Variants in EMC10 observed in about 807,000 individuals in gnomAD.
EMC10 encodes the protein UPF0510 protein INM02.
EMC10 carries 40 observed loss-of-function variants against 32.2 expected under a neutral mutation model. The ratio of observed to expected loss-of-function variants is 1.24; its 90% confidence interval spans 0.96 to 1.61. The LOEUF is 1.61. Ranked by LOEUF, EMC10 falls within the 40% of genes most tolerant of loss-of-function variation. The pLI is 0.00. For missense variants in EMC10, 402 were observed against 357.7 expected (o/e 1.12, Z -1.00); for synonymous variants, 178 against 158.4 (o/e 1.12, Z -0.93).
rs1190430901 is a variant in EMC10 at position 50,483,960 on chromosome 19, T to C, written c.*1701T>C. The stretch of plus-strand genomic sequence containing the variant: ...ATAGCTTATGCTTTTTCTGTCTTCA[T>C]TCCATGTGAATCCTGCTTCATTCTT... On this transcript the variant is annotated 3_prime_UTR_variant, in exon 7 of 7. Transcript: ENST00000334976. 6.6e-6 allele frequency: 1 copy of C among 151,336 alleles called. No individual in the cohort carries two copies. The highest frequency in any genetic ancestry group is 2.4e-5 in the African/African-American group (1 of 41,182). 9.4% of individuals were successfully genotyped at this position (151,336 alleles called of 1,614,324 possible). A position where few individuals can be genotyped will look rare whatever the true frequency, so the allele number is the denominator to read the frequency against.
chr19:50,480,970 C>T lies in EMC10; in HGVS notation c.671C>T (p.Ala224Val). 2.5e-6 allele frequency: 4 copies of T among 1,611,550 alleles called. No homozygotes were observed. The highest frequency in any genetic ancestry group is 3.4e-6 in the Non-Finnish European group (4 of 1,178,290). Residue 224 changes from alanine (A) to valine (V), a missense_variant, in exon 6 of 7, where the codon GCC (alanine) becomes GTC (valine). Ala to Val is a moderately conservative substitution (Grantham distance 64). Transcript: ENST00000334976. The surrounding 1 kb of genome is among the most constrained non-coding windows in gnomAD (Gnocchi z 4.4). The stretch of plus-strand genomic sequence containing the variant: ...CCCCAGGAGCAGAAGTCCTTCTTCG[C>T]CAAATACGTGAGTGGGGCTCCCCCG... ...KNPQEQKSFF[A>V]KYWMYIIPVV...
At position 50,488,277 on chromosome 19, in the gene EMC10, C is replaced by A. The variant is rs1290939531; in HGVS notation, c.*6018C>A. On this transcript the variant is annotated 3_prime_UTR_variant, in exon 7 of 7. Coordinates refer to ENST00000334976, the MANE Select transcript of EMC10 (RefSeq NM_206538.4). ...CGCCACTGCACTCCAGCCTGGGCGA[C>A]AGAGCGAGACTCCGTCTCAAAAAAA... 1 of 100,684 alleles carries A rather than the reference C, an allele frequency of 9.9e-6. No homozygotes were observed. The highest frequency in any genetic ancestry group is 3.9e-5 in the African/African-American group (1 of 25,320). The allele number at this position is 100,684 out of a possible 1,614,324, so 6.2% of individuals were successfully genotyped here.
In EMC10 at chr19:50,482,766, T is replaced by A. The variant is rs2040343505; in HGVS notation, c.*507T>A. On this transcript the variant is annotated 3_prime_UTR_variant, in exon 7 of 7. Transcript: ENST00000334976. ...CTTCTGTGTCCCCTTGAGGGTACCC[T>A]GGGTCCCCTCATCAGGGGCAGAGGC... 1 of 490,648 alleles carries A rather than the reference T, an allele frequency of 2.0e-6. No individual in the cohort carries two copies. Among genetic ancestry groups the A allele is most frequent in the African/African-American group, 2.0e-5 (1 of 50,392 alleles). 30.4% of individuals were successfully genotyped at this position (490,648 alleles called of 1,614,324 possible). A position where few individuals can be genotyped will look rare whatever the true frequency, so the allele number is the denominator to read the frequency against.
At position 50,485,341 on chromosome 19, in the gene EMC10, C is replaced by T. The variant is rs2040378367; in HGVS notation, c.*3082C>T. On this transcript the variant is annotated 3_prime_UTR_variant, in exon 7 of 7. Transcript: ENST00000334976. ...CAGCGATTCCCCAACTCATCTCCAGCTCAGATCCCACCCCTGATCTCCAGA... is the reference window on the plus strand; with the variant it reads ...CAGCGATTCCCCAACTCATCTCCAGTTCAGATCCCACCCCTGATCTCCAGA... 1 of 152,278 alleles carries T rather than the reference C, an allele frequency of 6.6e-6. No individual in the cohort carries two copies. Among genetic ancestry groups the T allele is most frequent in the Non-Finnish European group, 1.5e-5 (1 of 68,126 alleles). 9.4% of individuals were successfully genotyped at this position (152,278 alleles called of 1,614,324 possible).
Position 50,480,110 on chromosome 19 carries a change from G to A in EMC10, c.298-1G>A. On this transcript the variant is annotated splice_acceptor_variant, in intron 3 of 6. Coordinates refer to ENST00000334976, the MANE Select transcript of EMC10 (RefSeq NM_206538.4). LOFTEE classifies it high-confidence loss of function. This position sits in a 1 kb window ranked among gnomAD's most constrained non-coding sequence, Gnocchi z 4.4. ...CCAGCACCCTCTTCTCCCATCCCCA[G>A]GATGTGGCAGCCCTGAATGGCCTGT... 6.2e-7 allele frequency: 1 copy of A among 1,608,322 alleles called. No individual in the cohort carries two copies. Among genetic ancestry groups the A allele is most frequent in the Non-Finnish European group, 8.5e-7 (1 of 1,177,946 alleles).
rs1467189713 is a variant in EMC10, at chr19:50,483,923, C to G, written c.*1664C>G. On this transcript the variant is annotated 3_prime_UTR_variant, in exon 7 of 7. Transcript: ENST00000334976. ...CATTGCTAACTTCTGTTTCTTTCTC[C>G]ACCTGCAGGAGATAGCTTATGCTTT... The G allele has an allele frequency of 6.6e-6, 1 of 151,724 alleles. No individual in the cohort carries two copies. Among genetic ancestry groups the G allele is most frequent in the African/African-American group, 2.4e-5 (1 of 41,286 alleles). 9.4% of individuals were successfully genotyped at this position (151,724 alleles called of 1,614,324 possible). A position where few individuals can be genotyped will look rare whatever the true frequency, so the allele number is the denominator to read the frequency against.
In EMC10 at chr19:50,482,728, G is replaced by T. The variant is rs76698822; in HGVS notation, c.*469G>T. 8,619 of 486,512 alleles carry T rather than the reference G, an allele frequency of 0.018. 191 individuals are homozygous for T. The highest frequency in any genetic ancestry group is 0.092 in the East Asian group (2,809 of 30,606). The allele number at this position is 486,512 out of a possible 1,614,324, so 30.1% of individuals were successfully genotyped here. On this transcript the variant is annotated 3_prime_UTR_variant, in exon 7 of 7. Transcript: ENST00000334976. Reference sequence around the variant, plus strand: ...CCCCCCTCACTTTGACACTGGACTAGGATGCAGCCTCCCTTCTGTGTCCCC... The same window carrying T: ...CCCCCCTCACTTTGACACTGGACTATGATGCAGCCTCCCTTCTGTGTCCCC...
rs762213118 is a variant in EMC10 at position 50,485,100 on chromosome 19, C to G, written c.*2841C>G. ...CCATCTCTGGTGTAAGAGTGTGTTG[C>G]TGGATTTGAGTAGTTCTAAGCAGCA... On this transcript the variant is annotated 3_prime_UTR_variant, in exon 7 of 7. Transcript: ENST00000334976. The G allele has an allele frequency of 6.6e-6, 1 of 152,108 alleles. No homozygotes were observed. Among genetic ancestry groups the G allele is most frequent in the Non-Finnish European group, 1.5e-5 (1 of 68,012 alleles). 9.4% of individuals were successfully genotyped at this position (152,108 alleles called of 1,614,324 possible). A position where few individuals can be genotyped will look rare whatever the true frequency, so the allele number is the denominator to read the frequency against.
In EMC10 at chr19:50,483,130, T is replaced by C. The variant is rs1167161254; in HGVS notation, c.*871T>C. On this transcript the variant is annotated 3_prime_UTR_variant, in exon 7 of 7. Transcript: ENST00000334976. ...TCTATTTAAAAACATCGACGATACA[T>C]TGAAATGTGTGAACGTTTTGAAAAG... The C allele has an allele frequency of 6.4e-6, 3 of 468,074 alleles. No individual in the cohort carries two copies. The highest frequency in any genetic ancestry group is 5.9e-5 in the African/African-American group (3 of 50,512). 29.0% of individuals were successfully genotyped at this position (468,074 alleles called of 1,614,324 possible).
intron 6 of EMC10, 147 bp downstream of exon 6, chr19:50,481,124 T>C (rs1319280393): frequency 9.4e-6 from 6 of 634,982 alleles, no homozygotes; most frequent in Non-Finnish European, 1.7e-5. Flanking sequence ...GTACCTGGGC[T>C]GAGGCTTGTT....
At position 50,482,563 on chromosome 19, in the gene EMC10, T is replaced by C. The variant is rs1442962822; in HGVS notation, c.*304T>C. 1.9e-6 allele frequency: 1 copy of C among 536,748 alleles called. No homozygotes were observed. The highest frequency in any genetic ancestry group is 3.3e-6 in the Non-Finnish European group (1 of 305,650). 33.2% of individuals were successfully genotyped at this position (536,748 alleles called of 1,614,324 possible). On this transcript the variant is annotated 3_prime_UTR_variant, in exon 7 of 7. Coordinates refer to ENST00000334976, the MANE Select transcript of EMC10 (RefSeq NM_206538.4). The stretch of plus-strand genomic sequence containing the variant: ...GAGATCCTGGCCACTATGCCAGTTC[T>C]GACCTCGCATCCCCCTACCCCGAGC...
chr19:50,483,252 C>G lies in EMC10; in HGVS notation c.*993C>G. ...TTCACTGCTCACTTGATACGTTATT[C>G]AGAAACCCAAGGAATGGCTGTCCCC... is the stretch of plus-strand genomic sequence containing the variant. On this transcript the variant is annotated 3_prime_UTR_variant, in exon 7 of 7. Coordinates refer to ENST00000334976, the MANE Select transcript of EMC10 (RefSeq NM_206538.4). The G allele has an allele frequency of 5.1e-6, 2 of 394,898 alleles. No homozygotes were observed. The highest frequency in any genetic ancestry group is 3.7e-5 in the South Asian group (2 of 54,288). The allele number at this position is 394,898 out of a possible 1,614,324, so 24.5% of individuals were successfully genotyped here.
Position 50,488,635 on chromosome 19 carries a change from G to C in EMC10, c.*6376G>C, listed in dbSNP as rs1323908913. The C allele has an allele frequency of 6.6e-6, 1 of 151,694 alleles. No homozygotes were observed. Among genetic ancestry groups the C allele is most frequent in the Non-Finnish European group, 1.5e-5 (1 of 68,264 alleles). 9.4% of individuals were successfully genotyped at this position (151,694 alleles called of 1,614,324 possible). Reference sequence around the variant, plus strand: ...ATGGAGGAGCGGGGAGCTCCAGCCAGAGAAGAGGAAAGAGAAAGGAGAGAG... The same window carrying C: ...ATGGAGGAGCGGGGAGCTCCAGCCACAGAAGAGGAAAGAGAAAGGAGAGAG... On this transcript the variant is annotated 3_prime_UTR_variant, in exon 7 of 7. Coordinates refer to ENST00000334976, the MANE Select transcript of EMC10 (RefSeq NM_206538.4).
rs1034063134 is a variant in EMC10, at chr19:50,490,662, C to T, written c.*8403C>T. 6.6e-5 allele frequency: 10 copies of T among 152,118 alleles called. No individual in the cohort carries two copies. The highest frequency in any genetic ancestry group is 2.4e-4 in the African/African-American group (10 of 41,412). The allele number at this position is 152,118 out of a possible 1,614,324, so 9.4% of individuals were successfully genotyped here. On this transcript the variant is annotated 3_prime_UTR_variant, in exon 7 of 7. Coordinates refer to ENST00000334976, the MANE Select transcript of EMC10 (RefSeq NM_206538.4). ...CAGCCTGGGCTCGGAGGAACATGCC[C>T]TCCGCCTAGTCCCTGACATCCTTTT...
rs1278366191 is a variant in EMC10 at position 50,480,074 on chromosome 19, C to T, written c.298-37C>T. 6.5e-7 allele frequency: 1 copy of T among 1,536,968 alleles called. No homozygotes were observed. The highest frequency in any genetic ancestry group is 8.9e-7 in the Non-Finnish European group (1 of 1,128,242). Reference sequence around the variant, plus strand: ...ATCACAGCCTGTCCAGGGCTGACACCATCCTTCTGACCAGCACCCTCTTCT... The same window carrying T: ...ATCACAGCCTGTCCAGGGCTGACACTATCCTTCTGACCAGCACCCTCTTCT... On this transcript the variant is annotated intron_variant, in intron 3 of 6. Transcript: ENST00000334976. This position sits in a 1 kb window ranked among gnomAD's most constrained non-coding sequence, Gnocchi z 4.4.
In EMC10 at chr19:50,489,019, GAGAA is replaced by G. The variant is rs1237069724; in HGVS notation, c.*6764_*6767del. On this transcript the variant is annotated 3_prime_UTR_variant, in exon 7 of 7. Coordinates refer to ENST00000334976, the MANE Select transcript of EMC10 (RefSeq NM_206538.4). ...AGATGGAGCGGTGCGGAGGGGGAGAGAGAAAGAGGGAGGGAAGGAGGGTAGGAGA... is the reference window on the plus strand; with the variant it reads ...AGATGGAGCGGTGCGGAGGGGGAGAGAGAGGGAGGGAAGGAGGGTAGGAGA... 2.7e-5 allele frequency: 4 copies of G among 148,500 alleles called. No homozygotes were observed. The highest frequency in any genetic ancestry group is 2.0e-4 in the East Asian group (1 of 4,986). 9.2% of individuals were successfully genotyped at this position (148,500 alleles called of 1,614,324 possible). A position where few individuals can be genotyped will look rare whatever the true frequency, so the allele number is the denominator to read the frequency against.
Position 50,480,081 on chromosome 19 carries a change from C to T in EMC10, c.298-30C>T. Reference sequence around the variant, plus strand: ...CCTGTCCAGGGCTGACACCATCCTTCTGACCAGCACCCTCTTCTCCCATCC... The same window carrying T: ...CCTGTCCAGGGCTGACACCATCCTTTTGACCAGCACCCTCTTCTCCCATCC... On this transcript the variant is annotated intron_variant, in intron 3 of 6. Coordinates refer to ENST00000334976, the MANE Select transcript of EMC10 (RefSeq NM_206538.4). The surrounding 1 kb of genome is among the most constrained non-coding windows in gnomAD (Gnocchi z 4.4). 1 of 1,564,308 alleles carries T rather than the reference C, an allele frequency of 6.4e-7. No homozygotes were observed. Among genetic ancestry groups the T allele is most frequent in the Non-Finnish European group, 8.7e-7 (1 of 1,148,956 alleles).
At position 50,480,287 on chromosome 19, in the gene EMC10, C is replaced by T. The variant is rs1031989156; in HGVS notation, c.402+72C>T. 1.1e-4 allele frequency: 155 copies of T among 1,431,790 alleles called. 1 individual carries two copies. The highest frequency in any genetic ancestry group is 1.4e-4 in the Non-Finnish European group (147 of 1,036,438). The allele number at this position is 1,431,790 out of a possible 1,614,324, so 88.7% of individuals were successfully genotyped here. On this transcript the variant is annotated intron_variant, in intron 4 of 6. Coordinates refer to ENST00000334976, the MANE Select transcript of EMC10 (RefSeq NM_206538.4). This position sits in a 1 kb window ranked among gnomAD's most constrained non-coding sequence, Gnocchi z 4.4. Reference sequence around the variant, plus strand: ...TCCCCTACCCTGGTCCTGCTTCCACCATTCGAACCCCTGTGTTTCTGGAGC... The same window carrying T: ...TCCCCTACCCTGGTCCTGCTTCCACTATTCGAACCCCTGTGTTTCTGGAGC...
At position 50,482,295 on chromosome 19, in the gene EMC10, C is replaced by T. The variant is rs1266307661; in HGVS notation, c.*36C>T. On this transcript the variant is annotated 3_prime_UTR_variant, in exon 7 of 7. Transcript: ENST00000334976. ...TGGTCAGCGTCCCGTCTTGCACACC[C>T]AGGGGCCTCCCTTTCTGCTGGAGTC... 1.4e-5 allele frequency: 12 copies of T among 859,074 alleles called. No individual in the cohort carries two copies. The East Asian group carries it at 3.2e-4, about 23-fold the overall frequency. 53.2% of individuals were successfully genotyped at this position (859,074 alleles called of 1,614,324 possible).
Sources: allele counts gnomAD v4.1 joint callset, GRCh38; gene constraint gnomAD v4.1.1; non-coding constraint Gnocchi (gnomAD v3.1); transcripts MANE v1.5; gene names NCBI Gene and HGNC (gene_info 2026-07-23, HGNC 2026-07-21).